The following ZC3H12B variants were observed in gnomAD, a reference collection of about 807,000 sequenced individuals.
The protein encoded by ZC3H12B is probable ribonuclease ZC3H12B.
ZC3H12B carries 7 observed loss-of-function variants against 43.9 expected under a neutral mutation model. The ratio of observed to expected loss-of-function variants is 0.16; its 90% CI spans 0.09 to 0.30. The LOEUF (loss-of-function observed/expected upper bound fraction) is 0.30. ZC3H12B is among the 10% of genes least tolerant of loss of function. The pLI is 1.00. For missense variants in ZC3H12B, 475 were observed against 670.2 expected, an observed-to-expected ratio of 0.71 and a Z score of 3.22; for synonymous variants, 222 against 241.7, an observed-to-expected ratio of 0.92 and a Z score of 0.76.
At chrX:65,469,418 G>A (rs758089095) in intron 3 of ZC3H12B, 8 of 461,696 alleles carry the variant, frequency 1.7e-5, no homozygotes, top group African/African-American at 1.4e-4. Flanking sequence ...TGTTTCTGTC[G>A]GGAATGCCAG....
chrX:65,471,553 C>T (rs1409620444), intron 3 of ZC3H12B, among the ~76,000 whole-genome samples: 1 of 105,073 alleles, frequency 9.5e-6, no homozygotes, highest in Non-Finnish European at 1.9e-5. Context: ...CAGGTTCAAG[C>T]AATTCTCCTG....
chrX:65,315,404 C>T, the ZC3H12B span, among the ~76,000 whole-genome samples: 4 of 111,284 alleles, frequency 3.6e-5, no homozygotes, highest in African/African-American at 1.3e-4. Context: ...TGATAAAGTA[C>T]CATTTGAAAA....
At chrX:65,489,697 C>T (rs1317258389) in intron 1 of ZC3H12B, among the ~76,000 whole-genome samples, 1 of 111,909 alleles carries the variant, frequency 8.9e-6, no homozygotes, top group African/African-American at 3.2e-5. Context: ...TGTCCTATCC[C>T]TACTTTACTA....
the ZC3H12B span, among the ~76,000 whole-genome samples, chrX:65,124,407 A>T: frequency 9.1e-6 from 1 of 110,075 alleles, no homozygotes; most frequent in Non-Finnish European, 1.9e-5. Context: ...TTTTTTGAGG[A>T]TTCTGCATCT....
chrX:65,099,292 G>A, the ZC3H12B span, among the ~76,000 whole-genome samples: 19 of 111,786 alleles, frequency 1.7e-4, no homozygotes, highest in Admixed American at 3.8e-4. Flanking sequence ...CAGCTTCAGC[G>A]GACTTAAATG....
chrX:65,437,729 T>C (rs944938256), intron 3 of ZC3H12B, among the ~76,000 whole-genome samples: 1 of 111,358 alleles, frequency 9.0e-6, no homozygotes, highest in Non-Finnish European at 1.9e-5. Context: ...CTTTTTTTTC[T>C]GTGTGGAAGC....
chrX:65,483,342 G>A (rs2068086248), intron 3 of ZC3H12B, among the ~76,000 whole-genome samples: 1 of 111,792 alleles, frequency 8.9e-6, no homozygotes, highest in African/African-American at 3.2e-5. Flanking sequence ...CCTCCTTTAT[G>A]ATATAATTCC....
At chrX:65,228,195 A>G in the ZC3H12B span, among the ~76,000 whole-genome samples, 83 of 111,912 alleles carry the variant, frequency 7.4e-4, no homozygotes, top group African/African-American at 1.9e-3. Context: ...ATGATCAAGT[A>G]GGCTTCATCC....
chrX:65,090,111 G>A, the ZC3H12B span, among the ~76,000 whole-genome samples: 1 of 112,340 alleles, frequency 8.9e-6, no homozygotes, highest in Non-Finnish European at 1.9e-5. Flanking sequence ...TGTACTATAT[G>A]TAATTGTATG....
the ZC3H12B span, among the ~76,000 whole-genome samples, chrX:65,244,318 C>G: frequency 9.0e-6 from 1 of 110,707 alleles, no homozygotes. Context: ...ATCACCATAA[C>G]AGATGTAATG....
the ZC3H12B span, among the ~76,000 whole-genome samples, chrX:65,262,810 TCA>T: frequency 9.0e-6 from 1 of 110,802 alleles, no homozygotes. Context: ...TTATTTTTAT[TCA>T]GTCAGTAAAT....
the ZC3H12B span, among the ~76,000 whole-genome samples, chrX:65,162,261 C>T: frequency 1.8e-5 from 2 of 110,862 alleles, no homozygotes; most frequent in East Asian, 2.8e-4. Flanking sequence ...TTGCTCTTCT[C>T]GAGGAGTATT....
chrX:65,204,952 T>C, the ZC3H12B span, among the ~76,000 whole-genome samples: 1 of 111,913 alleles, frequency 8.9e-6, no homozygotes, highest in East Asian at 2.8e-4. Flanking sequence ...TTTAAGACAA[T>C]TTAGTGTTAG....
chrX:65,482,494 C>G (rs2068076181), intron 3 of ZC3H12B, among the ~76,000 whole-genome samples: 1 of 112,071 alleles, frequency 8.9e-6, no homozygotes, highest in African/African-American at 3.2e-5. Context: ...TATGTAGCTT[C>G]TCTGCATGAA....
intron 3 of ZC3H12B, among the ~76,000 whole-genome samples, chrX:65,461,450 C>T (rs1039723919): frequency 4.5e-5 from 5 of 112,206 alleles, no homozygotes; most frequent in Admixed American, 1.9e-4. Context: ...TTGGAACCAA[C>T]CCAAATGTCC....
the ZC3H12B span, among the ~76,000 whole-genome samples, chrX:65,188,191 T>A: frequency 9.0e-6 from 1 of 111,370 alleles, no homozygotes; most frequent in African/African-American, 3.3e-5. Context: ...AACACATTTT[T>A]AAAAATCTAT....
the ZC3H12B span, among the ~76,000 whole-genome samples, chrX:65,212,119 G>C: frequency 5.2e-4 from 26 of 50,204 alleles, no homozygotes; most frequent in Non-Finnish European, 8.3e-4. Flanking sequence ...ATAATATATA[G>C]TATATAATAT....
chrX:65,126,522 G>C, the ZC3H12B span, among the ~76,000 whole-genome samples: 1 of 110,923 alleles, frequency 9.0e-6, no homozygotes, highest in African/African-American at 3.3e-5. Flanking sequence ...CTTGTATTTG[G>C]ATGTCTAGAT....
chrX:65,138,018 C>A, the ZC3H12B span, among the ~76,000 whole-genome samples: 1 of 111,455 alleles, frequency 9.0e-6, no homozygotes, highest in African/African-American at 3.3e-5. Context: ...TTAGTAGAGA[C>A]AGAGTTTCAC....
Sources: allele counts gnomAD v4.1 joint callset (sites outside exome capture counted in the v4.1 genomes callset), GRCh38; gene constraint gnomAD v4.1.1; transcripts MANE v1.5; gene names NCBI Gene and HGNC (gene_info 2026-07-23, HGNC 2026-07-21).